Variants in CHD7 observed in about 807,000 individuals in gnomAD.
The protein encoded by CHD7 is ATP-dependent chromatin remodeler CHD7.
Under a neutral mutation model 307.3 loss-of-function variants are expected in CHD7, and 24 were observed. The ratio of observed to expected loss-of-function variants is 0.08; its 90% CI spans 0.06 to 0.11. The LOEUF is 0.11. CHD7 is among the 10% of genes least tolerant of loss of function. The probability of loss-of-function intolerance (pLI) is 1.00; values close to 1 mark genes in which losing one functional copy is unlikely to be tolerated. For missense variants in CHD7, 3,106 were observed against 3,727.1 expected, an observed-to-expected ratio of 0.83 and a Z score of 4.34; for synonymous variants, 1,363 against 1,349.9, an observed-to-expected ratio of 1.01 and a Z score of -0.21.
Position 60,808,284 on chromosome 8 carries a change from G to T in CHD7, c.2498+12G>T, listed in dbSNP as rs557099951. On this transcript the variant is annotated intron_variant, in intron 7 of 37. Coordinates refer to ENST00000423902, the MANE Select transcript of CHD7 (RefSeq NM_017780.4). The stretch of plus-strand genomic sequence containing the variant: ...AAATACAAAAACTTGTAAGTAAATT[G>T]TGATTCTGTTTTTAATGGGGGGCTA... 5.1e-4 allele frequency: 761 copies of T among 1,490,332 alleles called. 16 individuals are homozygous for T. The South Asian group carries it at 8.6e-3, about 17-fold the overall frequency. 92.3% of individuals were successfully genotyped at this position (1,490,332 alleles called of 1,614,324 possible).
At chr8:60,836,583 T>G (rs1804749862) in intron 16 of CHD7, among the ~76,000 whole-genome samples, 1 of 152,232 alleles carries the variant, frequency 6.6e-6, no homozygotes, top group Non-Finnish European at 1.5e-5. Flanking sequence ...TGTCAGCTGT[T>G]TTTAGAATTT....
intron 4 of CHD7, among the ~76,000 whole-genome samples, chr8:60,796,067 T>C (rs1270745221): frequency 6.6e-6 from 1 of 152,210 alleles, no homozygotes; most frequent in Non-Finnish European, 1.5e-5. Context: ...TCAGATATTT[T>C]TGGCTTTGGC....
intron 1 of CHD7, among the ~76,000 whole-genome samples, chr8:60,680,082 C>T (rs1247999889): frequency 6.6e-6 from 1 of 151,366 alleles, no homozygotes; most frequent in Non-Finnish European, 1.5e-5. Context: ...CTTTAACCTT[C>T]CAACGCAACT....
chr8:60,835,164 G>T (rs564720346), intron 15 of CHD7, among the ~76,000 whole-genome samples: 1 of 152,318 alleles, frequency 6.6e-6, no homozygotes, highest in South Asian at 2.1e-4. Flanking sequence ...CCAATGCTGC[G>T]TAATTCTAGT....
chr8:60,829,040 C>T (rs747168989), intron 14 of CHD7, among the ~76,000 whole-genome samples: 3 of 152,144 alleles, frequency 2.0e-5, no homozygotes, highest in Non-Finnish European at 2.9e-5. Flanking sequence ...AGAGAGGTTA[C>T]ATACCTGTTG....
chr8:60,703,226 A>G (rs1806857727), intron 1 of CHD7, among the ~76,000 whole-genome samples: 1 of 152,208 alleles, frequency 6.6e-6, no homozygotes, highest in Non-Finnish European at 1.5e-5. Flanking sequence ...CTAAATGCAT[A>G]TTCATAATGT....
intron 1 of CHD7, 28 bp downstream of exon 1, chr8:60,679,110 C>G (rs1363143281): frequency 6.4e-6 from 1 of 155,448 alleles, no homozygotes; most frequent in South Asian, 1.8e-4. Context: ...CCCGGCGCCC[C>G]CGGGAGGGGC....
At chr8:60,791,677 T>C (rs1326897041) in intron 3 of CHD7, among the ~76,000 whole-genome samples, 1 of 152,206 alleles carries the variant, frequency 6.6e-6, no homozygotes, top group Non-Finnish European at 1.5e-5. Context: ...TGTATAGCCC[T>C]GCATGTGGGG....
intron 34 of CHD7, among the ~76,000 whole-genome samples, chr8:60,860,331 C>G (rs1805911817): frequency 6.6e-6 from 1 of 152,222 alleles, no homozygotes; most frequent in South Asian, 2.1e-4. Context: ...TTCCCAGTGG[C>G]TGGCTTAGGA....
intron 23 of CHD7, among the ~76,000 whole-genome samples, chr8:60,846,943 T>C (rs1367631166): frequency 6.6e-6 from 1 of 152,200 alleles, no homozygotes; most frequent in Non-Finnish European, 1.5e-5. Context: ...TCAGAACCAT[T>C]ACCTCCAACC....
chr8:60,861,259 A>C, intron 35 of CHD7, 134 bp downstream of exon 35: 1 of 672,754 alleles, frequency 1.5e-6, no homozygotes. Context: ...AACATTTCCC[A>C]GGTCTTTGTT....
At chr8:60,816,615 A>G (rs760802818) in intron 8 of CHD7, 114 bp downstream of exon 8, 30 of 637,720 alleles carry the variant, frequency 4.7e-5, no homozygotes, top group Middle Eastern at 8.1e-4. Context: ...GGTGCTGTCA[A>G]CTTGCATATT....
At chr8:60,822,282 G>A (rs976760884) in intron 11 of CHD7, 137 bp downstream of exon 11, 4 of 742,308 alleles carry the variant, frequency 5.4e-6, no homozygotes, top group Non-Finnish European at 6.1e-6. Context: ...GAAAATATAT[G>A]TAATATTTAA....
intron 1 of CHD7, among the ~76,000 whole-genome samples, chr8:60,693,192 C>A (rs77636896): frequency 6.6e-6 from 1 of 152,186 alleles, no homozygotes. Context: ...CCGCGACACC[C>A]CCTTGGCGGT....
intron 2 of CHD7, among the ~76,000 whole-genome samples, chr8:60,774,644 A>G (rs547858730): frequency 2.0e-5 from 3 of 152,194 alleles, no homozygotes; most frequent in Non-Finnish European, 4.4e-5. Flanking sequence ...TTGGTTGAAA[A>G]CAGAGAGACA....
At chr8:60,786,643 C>G (rs1811504628) in intron 3 of CHD7, among the ~76,000 whole-genome samples, 1 of 152,126 alleles carries the variant, frequency 6.6e-6, no homozygotes, top group Non-Finnish European at 1.5e-5. Context: ...GAGACACATT[C>G]CTTGAAAGTC....
rs115438352 is a variant in CHD7 at position 60,731,517 on chromosome 8, C to T, written c.-174-9742C>T. ...TGAGTGTCCACTAGAGGTCTTGGTA[C>T]GTATCCCCAGGATGAAGGGGGACTA... On this transcript the variant is annotated intron_variant, in intron 1 of 37. Coordinates refer to ENST00000423902, the MANE Select transcript of CHD7 (RefSeq NM_017780.4). Among the ~76,000 whole-genome samples, 723 of 152,198 alleles carry T rather than the reference C, an allele frequency of 4.8e-3. 2 individuals carry two copies. The highest frequency in any genetic ancestry group is 0.016 in the African/African-American group (681 of 41,532).
chr8:60,800,429 T>A lies in CHD7; in HGVS notation c.2280T>A (p.Thr760=). The change falls in exon 5 of 38, where the codon ACT becomes ACA. Residue 760 remains threonine, a synonymous_variant. Coordinates refer to ENST00000423902, the MANE Select transcript of CHD7 (RefSeq NM_017780.4). ...GACAGGTGAAGAGAAAGCGCTACAC[T>A]GAAGACCTGGAGTTCAAGATTTCTG... ...SSRQVKRKRY[T]EDLEFKISDE... is the part of the protein sequence containing the mutation. 6.2e-7 allele frequency: 1 copy of A among 1,613,868 alleles called. No homozygotes were observed. The highest frequency in any genetic ancestry group is 8.5e-7 in the Non-Finnish European group (1 of 1,179,828).
intron 23 of CHD7, among the ~76,000 whole-genome samples, chr8:60,848,268 G>T (rs894278681): frequency 3.3e-5 from 5 of 152,198 alleles, no homozygotes; most frequent in Admixed American, 2.6e-4. Context: ...AGTGCGCCTG[G>T]GCTGGGCTGA....
Sources: allele counts gnomAD v4.1 joint callset (sites outside exome capture counted in the v4.1 genomes callset), GRCh38; gene constraint gnomAD v4.1.1; transcripts MANE v1.5; gene names NCBI Gene and HGNC (gene_info 2026-07-23, HGNC 2026-07-21).